The following CRPPA variants were observed in gnomAD, a reference collection of about 807,000 sequenced individuals.
CRPPA encodes D-ribitol-5-phosphate cytidylyltransferase.
A neutral mutation model predicts 52.0 loss-of-function variants in CRPPA; 43 were observed. That is an observed-to-expected ratio of 0.83 (90% CI 0.65 to 1.07). CRPPA has a LOEUF of 1.07. Ranked by LOEUF, CRPPA falls within the 50% of genes least tolerant of loss-of-function variation. The pLI is 0.00. For missense variants in CRPPA, 629 were observed against 551.7 expected, an observed-to-expected ratio of 1.14 and a Z score of -1.40; for synonymous variants, 250 against 203.5, an observed-to-expected ratio of 1.23 and a Z score of -1.94.
chr7:16,255,580 G>A (rs1187441400), intron 8 of CRPPA, among the ~76,000 whole-genome samples: 2 of 151,894 alleles, frequency 1.3e-5, no homozygotes, highest in Non-Finnish European at 2.9e-5. Flanking sequence ...CATGGTACTG[G>A]GTACCAAAAC....
chr7:16,393,676 C>T (rs997446939), intron 2 of CRPPA, among the ~76,000 whole-genome samples: 1 of 151,694 alleles, frequency 6.6e-6, no homozygotes, highest in Admixed American at 6.6e-5. Context: ...ATTTTTAAAC[C>T]AGGCAAAAAC....
chr7:16,196,429 C>A (rs1781737221), intron 9 of CRPPA, among the ~76,000 whole-genome samples: 1 of 152,130 alleles, frequency 6.6e-6, no homozygotes, highest in Non-Finnish European at 1.5e-5. Flanking sequence ...TTCATGAATA[C>A]CTTTCATTTA....
intron 9 of CRPPA, among the ~76,000 whole-genome samples, chr7:16,136,291 T>C (rs987214445): frequency 6.6e-6 from 1 of 152,028 alleles, no homozygotes; most frequent in African/African-American, 2.4e-5. Context: ...TGAACTAAGA[T>C]TTCTTGCATG....
chr7:16,256,330 G>A (rs1329876951), intron 8 of CRPPA, among the ~76,000 whole-genome samples: 1 of 150,664 alleles, frequency 6.6e-6, no homozygotes, highest in African/African-American at 2.4e-5. Context: ...TTACACTGTT[G>A]GTGACATTGT....
At chr7:16,219,695 G>A (rs1349822073) in intron 8 of CRPPA, among the ~76,000 whole-genome samples, 2 of 116,062 alleles carry the variant, frequency 1.7e-5, no homozygotes, top group African/African-American at 5.9e-5. Context: ...AAATCTAGAA[G>A]AAATGGATAA....
intron 3 of CRPPA, among the ~76,000 whole-genome samples, chr7:16,334,556 G>A (rs1008290605): frequency 6.6e-6 from 1 of 152,076 alleles, no homozygotes; most frequent in African/African-American, 2.4e-5. Flanking sequence ...ACTCAGCCTT[G>A]GAGTCCTTCA....
intron 5 of CRPPA, among the ~76,000 whole-genome samples, chr7:16,287,967 T>C (rs983679667): frequency 1.3e-5 from 2 of 150,798 alleles, no homozygotes; most frequent in Non-Finnish European, 3.0e-5. Context: ...AAGAAGGAAA[T>C]AAATATGTAC....
chr7:16,140,675 G>A (rs940181991), intron 9 of CRPPA, among the ~76,000 whole-genome samples: 1 of 152,102 alleles, frequency 6.6e-6, no homozygotes, highest in African/African-American at 2.4e-5. Context: ...TAATTCACAG[G>A]AGACTTTCAT....
intron 1 of CRPPA, among the ~76,000 whole-genome samples, chr7:16,412,421 C>T (rs954915554): frequency 7.2e-5 from 11 of 152,046 alleles, no homozygotes; most frequent in South Asian, 4.1e-4. Context: ...GAGGCAAAAA[C>T]GTAATTCTTG....
intron 5 of CRPPA, among the ~76,000 whole-genome samples, chr7:16,282,637 T>A (rs1010132877): frequency 6.6e-6 from 1 of 152,054 alleles, no homozygotes; most frequent in African/African-American, 2.4e-5. Flanking sequence ...AAAAGCACCC[T>A]CTCCTAAAAA....
At chr7:16,252,272 C>T (rs1783478480) in intron 8 of CRPPA, among the ~76,000 whole-genome samples, 1 of 152,158 alleles carries the variant, frequency 6.6e-6, no homozygotes, top group Admixed American at 6.5e-5. Flanking sequence ...AAATGTAACC[C>T]ATCACATAAA....
In CRPPA at chr7:16,342,778, A is replaced by G. The variant is rs368056200; in HGVS notation, c.684+33314T>C. Among the ~76,000 whole-genome samples the G allele has an allele frequency of 1.6e-4, 11 of 67,518 alleles. 1 individual carries two copies. In the South Asian group the frequency reaches 3.3e-3, roughly 20 times the overall value. The allele number at this position is 67,518 out of a possible 152,430, so 44.3% of individuals were successfully genotyped here. On this transcript the variant is annotated intron_variant, in intron 3 of 9. Transcript: ENST00000407010. ...CCTGTCTCCACAAAAAAAAAAAAAAAAAAAATATATATATATATATCTATA... is the reference window on the plus strand; with the variant it reads ...CCTGTCTCCACAAAAAAAAAAAAAAGAAAAATATATATATATATATCTATA...
chr7:16,253,246 C>G (rs1206674307), intron 8 of CRPPA, among the ~76,000 whole-genome samples: 1 of 152,144 alleles, frequency 6.6e-6, no homozygotes, highest in Non-Finnish European at 1.5e-5. Context: ...GCATTTAGTG[C>G]TATAAATTTC....
rs997730591 is a variant in CRPPA, at chr7:16,090,491, G to A, written c.*1204C>T. On this transcript the variant is annotated 3_prime_UTR_variant, in exon 10 of 10. Transcript: ENST00000407010. The stretch of plus-strand genomic sequence containing the variant: ...GGCCGAGGCAGGCAGATCACTTGAG[G>A]TCAGGAGTTCAAGACCAGCCTGGCC... 2.1e-5 allele frequency: 3 copies of A among 144,494 alleles called. No individual in the cohort carries two copies. Among genetic ancestry groups the A allele is most frequent in the Non-Finnish European group, 3.0e-5 (2 of 67,154 alleles). 9.0% of individuals were successfully genotyped at this position (144,494 alleles called of 1,614,324 possible). A position where few individuals can be genotyped will look rare whatever the true frequency, so the allele number is the denominator to read the frequency against.
At chr7:16,172,975 C>A (rs1262051671) in intron 9 of CRPPA, among the ~76,000 whole-genome samples, 1 of 152,212 alleles carries the variant, frequency 6.6e-6, no homozygotes, top group Non-Finnish European at 1.5e-5. Flanking sequence ...ATCCACAGTT[C>A]TCTATAGTTT....
chr7:16,224,340 C>T (rs1426094570), intron 8 of CRPPA, among the ~76,000 whole-genome samples: 2 of 152,062 alleles, frequency 1.3e-5, no homozygotes, highest in Admixed American at 6.6e-5. Context: ...AAGTAAGTAT[C>T]CTGCACGATG....
chr7:16,326,566 C>T (rs1044236805), intron 3 of CRPPA, among the ~76,000 whole-genome samples: 1 of 152,122 alleles, frequency 6.6e-6, no homozygotes, highest in Admixed American at 6.5e-5. Flanking sequence ...AAAACTGAAG[C>T]AATATTCCTG....
chr7:16,092,908 G>C (rs922106484), intron 9 of CRPPA, among the ~76,000 whole-genome samples: 1 of 152,106 alleles, frequency 6.6e-6, no homozygotes. Context: ...TTCTGAGCTT[G>C]AATATCTTTG....
In CRPPA at chr7:16,133,459, G is replaced by T. The variant is rs1209862310; in HGVS notation, c.1252-41660C>A. On this transcript the variant is annotated intron_variant, in intron 9 of 9. Coordinates refer to ENST00000407010, the MANE Select transcript of CRPPA (RefSeq NM_001101426.4). ...TGCATAAAATTAAGTGTAATACATA[G>T]TATACTACTGTAATAATTTCATAGC... 1.6e-5 allele frequency among the ~76,000 whole-genome samples: 2 copies of T among 124,790 alleles called. 1 individual carries two copies. The highest frequency in any genetic ancestry group is 3.6e-5 in the Non-Finnish European group (2 of 54,930). 81.9% of individuals were successfully genotyped at this position (124,790 alleles called of 152,430 possible).
Sources: allele counts gnomAD v4.1 joint callset (sites outside exome capture counted in the v4.1 genomes callset), GRCh38; gene constraint gnomAD v4.1.1; transcripts MANE v1.5; gene names NCBI Gene and HGNC (gene_info 2026-07-23, HGNC 2026-07-21).